Variants in RIT2 observed in about 807,000 individuals in gnomAD.
RIT2 encodes the protein GTP-binding protein Rit2.
In RIT2, 24 loss-of-function variants were observed where a neutral mutation model predicts 23.7. That is an observed-to-expected ratio of 1.01 (90% CI 0.73 to 1.43). RIT2 has a LOEUF of 1.43. Ranked by LOEUF, RIT2 falls within the 40% of genes most tolerant of loss-of-function variation. The pLI, the probability that RIT2 is intolerant of heterozygous loss-of-function variation, is 0.00. For synonymous variants in RIT2, 107 were observed against 91.1 expected, an observed-to-expected ratio of 1.17 and a Z score of -0.99; for missense variants, 236 against 266.9, an observed-to-expected ratio of 0.88 and a Z score of 0.81.
intron 4 of RIT2, among the ~76,000 whole-genome samples, chr18:42,825,086 A>AT (rs1480857390): frequency 6.6e-6 from 1 of 151,882 alleles, no homozygotes; most frequent in Admixed American, 6.6e-5. Context: ...AAATTTGATA[A>AT]TTTGGTCAAA....
intron 1 of RIT2, among the ~76,000 whole-genome samples, chr18:43,096,297 T>A (rs1913551334): frequency 6.6e-6 from 1 of 151,924 alleles, no homozygotes; most frequent in Non-Finnish European, 1.5e-5. Flanking sequence ...GTCCAAATGG[T>A]AGTAATTCAT....
chr18:42,892,713 T>C (rs1598703074), intron 4 of RIT2, among the ~76,000 whole-genome samples: 2 of 152,260 alleles, frequency 1.3e-5, no homozygotes, highest in South Asian at 2.1e-4. Flanking sequence ...AAACTAAGAG[T>C]ATCTATTTTT....
At chr18:42,897,421 G>T (rs1176771493) in intron 4 of RIT2, among the ~76,000 whole-genome samples, 1 of 152,150 alleles carries the variant, frequency 6.6e-6, no homozygotes, top group Non-Finnish European at 1.5e-5. Flanking sequence ...AGATGAGAAT[G>T]CCTTATAACT....
At chr18:43,024,159 G>A (rs1029449043) in intron 2 of RIT2, among the ~76,000 whole-genome samples, 2 of 152,020 alleles carry the variant, frequency 1.3e-5, no homozygotes, top group Non-Finnish European at 2.9e-5. Context: ...TGAACAGAGT[G>A]ACATAATCAA....
chr18:43,066,793 A>C (rs1912779995), intron 1 of RIT2, among the ~76,000 whole-genome samples: 1 of 149,754 alleles, frequency 6.7e-6, no homozygotes, highest in African/African-American at 2.4e-5. Flanking sequence ...TGGACATGCA[A>C]TTAGAAATGA....
At chr18:42,902,349 A>C (rs1364872353) in intron 4 of RIT2, among the ~76,000 whole-genome samples, 1 of 151,596 alleles carries the variant, frequency 6.6e-6, no homozygotes, top group Non-Finnish European at 1.5e-5. Context: ...TATGCTGTAA[A>C]ACCCTAAAGT....
intron 4 of RIT2, among the ~76,000 whole-genome samples, chr18:42,810,119 T>A (rs1905809608): frequency 6.8e-6 from 1 of 146,398 alleles, no homozygotes; most frequent in South Asian, 2.1e-4. Context: ...ATCTATTATG[T>A]ATCAATTAAA....
At chr18:43,096,234 G>T (rs944297165) in intron 1 of RIT2, among the ~76,000 whole-genome samples, 1 of 151,868 alleles carries the variant, frequency 6.6e-6, no homozygotes, top group African/African-American at 2.4e-5. Context: ...CAGCACACCA[G>T]ACACAGATGA....
At chr18:42,918,184 A>G (rs971406008) in intron 4 of RIT2, among the ~76,000 whole-genome samples, 2 of 152,140 alleles carry the variant, frequency 1.3e-5, no homozygotes, top group African/African-American at 4.8e-5. Flanking sequence ...ATTCTGAAAG[A>G]GTGCTTGTTA....
chr18:42,966,658 C>T (rs559679281), intron 3 of RIT2, among the ~76,000 whole-genome samples: 2 of 152,112 alleles, frequency 1.3e-5, no homozygotes, highest in East Asian at 3.9e-4. Context: ...AGTTTTGAGT[C>T]TAAATTATTT....
At chr18:42,973,186 C>A (rs1313704290) in intron 3 of RIT2, among the ~76,000 whole-genome samples, 1 of 151,480 alleles carries the variant, frequency 6.6e-6, no homozygotes, top group Non-Finnish European at 1.5e-5. Flanking sequence ...TTGTTTTATT[C>A]TTTTGTTCAA....
At chr18:43,083,513 T>C (rs1913207711) in intron 1 of RIT2, among the ~76,000 whole-genome samples, 1 of 152,162 alleles carries the variant, frequency 6.6e-6, no homozygotes, top group Non-Finnish European at 1.5e-5. Flanking sequence ...AACAGCGTGG[T>C]GCTCGTACCA....
chr18:42,876,078 C>A (rs1484656630), intron 4 of RIT2, among the ~76,000 whole-genome samples: 10 of 151,898 alleles, frequency 6.6e-5, no homozygotes, highest in African/African-American at 9.7e-5. Context: ...AAAGTCAATT[C>A]ATTATTCAGT....
chr18:42,898,139 C>A (rs1478545142), intron 4 of RIT2, among the ~76,000 whole-genome samples: 1 of 152,084 alleles, frequency 6.6e-6, no homozygotes, highest in African/African-American at 2.4e-5. Context: ...CAATGGCTCG[C>A]GCCTGAAATC....
At chr18:42,765,670 A>T (rs1913404623) in intron 4 of RIT2, among the ~76,000 whole-genome samples, 1 of 152,198 alleles carries the variant, frequency 6.6e-6, no homozygotes, top group Non-Finnish European at 1.5e-5. Flanking sequence ...GGGAAAGACT[A>T]TTCTATTATG....
intron 1 of RIT2, among the ~76,000 whole-genome samples, chr18:43,099,177 A>C (rs1913624928): frequency 6.6e-6 from 1 of 152,006 alleles, no homozygotes; most frequent in Admixed American, 6.6e-5. Flanking sequence ...GCCTTTCTGA[A>C]GGTGTGGGCT....
intron 1 of RIT2, among the ~76,000 whole-genome samples, chr18:43,106,024 G>A (rs145074931): frequency 0.011 from 1,744 of 152,170 alleles, 37 homozygotes; most frequent in African/African-American, 0.039. Context: ...TCAGGCTCTG[G>A]GTTCCTGAGT....
chr18:42,782,362 T>C (rs947891938), intron 4 of RIT2, among the ~76,000 whole-genome samples: 2 of 152,130 alleles, frequency 1.3e-5, no homozygotes, highest in Non-Finnish European at 2.9e-5. Flanking sequence ...TTACACCATA[T>C]AACAGGCAGC....
Position 42,871,376 on chromosome 18 carries a change from G to C in RIT2, c.426+52196C>G, listed in dbSNP as rs1346949326. On this transcript the variant is annotated intron_variant, in intron 4 of 4. Coordinates refer to ENST00000326695, the MANE Select transcript of RIT2 (RefSeq NM_002930.4). Reference sequence around the variant, plus strand: ...GTGATGTGAATTTAAGTGTGTGTTTGTGTGTGTGTGTATACATGCACACAC... The same window carrying C: ...GTGATGTGAATTTAAGTGTGTGTTTCTGTGTGTGTGTATACATGCACACAC... Among the ~76,000 whole-genome samples, 3 of 151,738 alleles carry C rather than the reference G, an allele frequency of 2.0e-5. No homozygotes were observed. The East Asian group carries it at 5.8e-4, about 29-fold the overall frequency.
Sources: gnomAD v4.1 joint callset for allele counts (sites outside exome capture counted in the v4.1 genomes callset) on GRCh38, gnomAD v4.1.1 for gene constraint, MANE v1.5 for transcripts, NCBI Gene and HGNC (gene_info 2026-07-23, HGNC 2026-07-21) for gene names.